The following NCOA1 variants were observed in gnomAD, a reference collection of about 807,000 sequenced individuals.
NCOA1 encodes the protein Hin-2 protein.
A neutral mutation model predicts 150.9 loss-of-function variants in NCOA1; 35 were observed. The ratio of observed to expected loss-of-function variants is 0.23; its 90% CI spans 0.18 to 0.31. The LOEUF is 0.31. NCOA1 is among the 10% of genes least tolerant of loss of function. NCOA1 has a pLI of 1.00. For synonymous variants in NCOA1, 590 were observed against 630.0 expected, an observed-to-expected ratio of 0.94 and a Z score of 0.95; for missense variants, 1,491 against 1,749.3, an observed-to-expected ratio of 0.85 and a Z score of 2.63.
At chr2:24,561,050 A>G (rs1052473217) in intron 1 of NCOA1, among the ~76,000 whole-genome samples, 2 of 152,222 alleles carry the variant, frequency 1.3e-5, no homozygotes, top group Non-Finnish European at 2.9e-5. Flanking sequence ...TGTAAAAGCA[A>G]TAAAGAAACA....
intron 3 of NCOA1, among the ~76,000 whole-genome samples, chr2:24,608,316 T>A (rs1432149617): frequency 1.3e-5 from 2 of 149,852 alleles, no homozygotes; most frequent in African/African-American, 4.9e-5. Flanking sequence ...AGTCTTGCTC[T>A]GTCTCCCAGG....
intron 3 of NCOA1, among the ~76,000 whole-genome samples, chr2:24,639,288 TAAAA>T (rs990100109): frequency 1.3e-5 from 2 of 151,990 alleles, no homozygotes; most frequent in Non-Finnish European, 2.9e-5. Context: ...ATAAATAAAA[TAAAA>T]AAATTAATTT....
intron 1 of NCOA1, among the ~76,000 whole-genome samples, chr2:24,535,073 T>A (rs1665068698): frequency 6.6e-6 from 1 of 152,186 alleles, no homozygotes; most frequent in South Asian, 2.1e-4. Context: ...ATTATTATTA[T>A]GTGGGAGTCT....
At chr2:24,569,902 T>C (rs1483147213) in intron 2 of NCOA1, among the ~76,000 whole-genome samples, 2 of 151,378 alleles carry the variant, frequency 1.3e-5, no homozygotes, top group Non-Finnish European at 2.9e-5. Flanking sequence ...GAATTTGTAT[T>C]ATACATGTCT....
chr2:24,520,683 A>T (rs1157449842), intron 1 of NCOA1, among the ~76,000 whole-genome samples: 1 of 152,210 alleles, frequency 6.6e-6, no homozygotes, highest in African/African-American at 2.4e-5. Flanking sequence ...GATTGTGGTG[A>T]TGGTTTTATT....
At chr2:24,522,214 T>C (rs1371371106) in intron 1 of NCOA1, among the ~76,000 whole-genome samples, 3 of 152,208 alleles carry the variant, frequency 2.0e-5, no homozygotes, top group Non-Finnish European at 4.4e-5. Flanking sequence ...ATACCTTCTG[T>C]AACATTCATT....
chr2:24,586,100 A>G (rs1008864217), intron 3 of NCOA1, among the ~76,000 whole-genome samples: 5 of 149,866 alleles, frequency 3.3e-5, no homozygotes, highest in Admixed American at 2.6e-4. Flanking sequence ...CATGGAAAAA[A>G]CCCGCCTCTA....
chr2:24,516,292 A>T (rs1170308002), intron 1 of NCOA1, among the ~76,000 whole-genome samples: 1 of 138,482 alleles, frequency 7.2e-6, no homozygotes, highest in Non-Finnish European at 1.5e-5. Context: ...TCCCAGGTTC[A>T]CACCATTCTC....
chr2:24,613,242 G>T (rs539800507), intron 3 of NCOA1, among the ~76,000 whole-genome samples: 1 of 152,252 alleles, frequency 6.6e-6, no homozygotes, highest in East Asian at 1.9e-4. Flanking sequence ...AGTAGATGGC[G>T]CTTACGGGTA....
intron 2 of NCOA1, among the ~76,000 whole-genome samples, chr2:24,581,158 C>G (rs1421470910): frequency 5.9e-5 from 9 of 152,198 alleles, no homozygotes. Flanking sequence ...GTGATAGTCT[C>G]TTTACTGTGT....
At chr2:24,527,245 G>A (rs1664689658) in intron 1 of NCOA1, among the ~76,000 whole-genome samples, 1 of 152,020 alleles carries the variant, frequency 6.6e-6, no homozygotes, top group African/African-American at 2.4e-5. Context: ...TCCTGATGTT[G>A]TACATTAGAT....
chr2:24,550,177 C>G lies in NCOA1; in HGVS notation c.-395-14118C>G, dbSNP rs1468846289. On this transcript the variant is annotated intron_variant, in intron 1 of 22. Coordinates refer to ENST00000348332, the MANE Select transcript of NCOA1 (RefSeq NM_003743.5). ...GTTTGAAACTTTCCCACATTTTCCT[C>G]TCTTCTTCTGAGCACTTCAAACCAT... Among the ~76,000 whole-genome samples the G allele has an allele frequency of 3.3e-5, 5 of 152,316 alleles. No individual in the cohort carries two copies. In the East Asian group the frequency reaches 5.8e-4, roughly 18 times the overall value.
At chr2:24,601,119 T>A (rs970410895) in intron 3 of NCOA1, among the ~76,000 whole-genome samples, 1 of 152,158 alleles carries the variant, frequency 6.6e-6, no homozygotes, top group Non-Finnish European at 1.5e-5. Flanking sequence ...GTTTTTTTTT[T>A]AAATGCTGTT....
At chr2:24,556,245 G>A (rs373130837) in intron 1 of NCOA1, among the ~76,000 whole-genome samples, 3 of 152,144 alleles carry the variant, frequency 2.0e-5, no homozygotes, top group Admixed American at 6.5e-5. Context: ...GAGAACATGC[G>A]GTGTTTGGTT....
chr2:24,575,313 A>G (rs753694719), intron 2 of NCOA1, among the ~76,000 whole-genome samples: 88 of 152,094 alleles, frequency 5.8e-4, no homozygotes, highest in Admixed American at 3.9e-3. Context: ...AGAAGCTCCA[A>G]TTGGGCCTAA....
chr2:24,740,736 A>C (rs1034457331), intron 18 of NCOA1, among the ~76,000 whole-genome samples: 1 of 152,328 alleles, frequency 6.6e-6, no homozygotes, highest in African/African-American at 2.4e-5. Context: ...TTCAGGAGTA[A>C]TTAGGTTGTA....
At chr2:24,547,845 C>T (rs372067760) in intron 1 of NCOA1, among the ~76,000 whole-genome samples, 1 of 151,840 alleles carries the variant, frequency 6.6e-6, no homozygotes, top group South Asian at 2.1e-4. Context: ...AAAAATTAGC[C>T]AAGCCTGGTG....
chr2:24,758,817 C>CTA (rs1281939029), intron 21 of NCOA1, among the ~76,000 whole-genome samples: 3 of 144,236 alleles, frequency 2.1e-5, no homozygotes, highest in Non-Finnish European at 3.0e-5. Flanking sequence ...CCTGTCTCTA[C>CTA]TAAAAAAAAA....
intron 2 of NCOA1, among the ~76,000 whole-genome samples, chr2:24,568,302 A>G: frequency 6.6e-6 from 1 of 152,212 alleles, no homozygotes; most frequent in East Asian, 1.9e-4. Flanking sequence ...GTCCTGGTTT[A>G]CAGTTTACAT....
Sources: allele counts gnomAD v4.1 joint callset (sites outside exome capture counted in the v4.1 genomes callset), GRCh38; gene constraint gnomAD v4.1.1; transcripts MANE v1.5; gene names NCBI Gene and HGNC (gene_info 2026-07-23, HGNC 2026-07-21).